Variants in WDR70 observed in about 807,000 individuals in gnomAD.
WDR70 encodes WD repeat domain 70.
WDR70 carries 53 observed loss-of-function variants against 88.6 expected under a neutral mutation model. The ratio of observed to expected loss-of-function variants is 0.60; its 90% confidence interval spans 0.48 to 0.75. The LOEUF (loss-of-function observed/expected upper bound fraction) is 0.75. Ranked by LOEUF, WDR70 falls within the 30% of genes least tolerant of loss-of-function variation. The pLI is 0.00. For missense variants in WDR70, 610 were observed against 823.2 expected (o/e 0.74, Z 3.17); for synonymous variants, 280 against 270.0 (o/e 1.04, Z -0.36).
At chr5:37,485,641 A>G (rs1301270993) in intron 8 of WDR70, among the ~76,000 whole-genome samples, 1 of 152,106 alleles carries the variant, frequency 6.6e-6, no homozygotes, top group African/African-American at 2.4e-5. Flanking sequence ...CTGTGAGTTC[A>G]ATGTTAATGA....
intron 11 of WDR70, among the ~76,000 whole-genome samples, chr5:37,699,400 T>TACACAC (rs780871678): frequency 2.0e-5 from 3 of 146,954 alleles, no homozygotes; most frequent in African/African-American, 7.6e-5. Context: ...TGTATATATA[T>TACACAC]ATACACACAC....
intron 10 of WDR70, among the ~76,000 whole-genome samples, chr5:37,638,489 G>A (rs138389182): frequency 3.7e-4 from 56 of 152,256 alleles, no homozygotes; most frequent in African/African-American, 1.3e-3. Flanking sequence ...GCACATGCGC[G>A]CACATACACA....
intron 9 of WDR70, among the ~76,000 whole-genome samples, chr5:37,530,927 C>T (rs1168487647): frequency 6.6e-6 from 1 of 152,140 alleles, no homozygotes; most frequent in Admixed American, 6.6e-5. Context: ...CTGATGTAGG[C>T]ATTTAATGCT....
At chr5:37,564,346 A>G (rs1317239456) in intron 9 of WDR70, among the ~76,000 whole-genome samples, 1 of 152,234 alleles carries the variant, frequency 6.6e-6, no homozygotes, top group Non-Finnish European at 1.5e-5. Context: ...CAACACAGCG[A>G]AACCCCGTCT....
At chr5:37,494,069 T>C (rs977090578) in intron 8 of WDR70, among the ~76,000 whole-genome samples, 1 of 152,150 alleles carries the variant, frequency 6.6e-6, no homozygotes, top group African/African-American at 2.4e-5. Flanking sequence ...TCCACCCACC[T>C]TGGCCTCCCA....
intron 10 of WDR70, among the ~76,000 whole-genome samples, chr5:37,639,394 A>G (rs535588453): frequency 1.3e-5 from 2 of 152,336 alleles, no homozygotes; most frequent in Middle Eastern, 3.4e-3. Context: ...CACGCTGAAA[A>G]TGCTGGTAAG....
intron 10 of WDR70, among the ~76,000 whole-genome samples, chr5:37,675,007 GT>G (rs1216217662): frequency 6.6e-6 from 1 of 151,360 alleles, no homozygotes; most frequent in Non-Finnish European, 1.5e-5. Flanking sequence ...TTTTTCATGT[GT>G]TTTTTGGCTG....
chr5:37,416,426 G>T (rs1250775500), intron 5 of WDR70, among the ~76,000 whole-genome samples: 1 of 152,122 alleles, frequency 6.6e-6, no homozygotes, highest in African/African-American at 2.4e-5. Flanking sequence ...GGAGAATCAG[G>T]CAGGGAGGTT....
At chr5:37,386,196 C>T (rs1183906808) in intron 3 of WDR70, among the ~76,000 whole-genome samples, 2 of 152,106 alleles carry the variant, frequency 1.3e-5, no homozygotes. Context: ...GACATGCTAT[C>T]TGAGGCATTT....
intron 13 of WDR70, among the ~76,000 whole-genome samples, chr5:37,720,201 T>A (rs1581525567): frequency 6.6e-6 from 1 of 152,326 alleles, no homozygotes; most frequent in East Asian, 1.9e-4. Context: ...TCCCCTTTAG[T>A]CCCTATATAT....
At chr5:37,487,229 C>T (rs1255389510) in intron 8 of WDR70, among the ~76,000 whole-genome samples, 11 of 152,076 alleles carry the variant, frequency 7.2e-5, no homozygotes. Flanking sequence ...TTCCCAGATG[C>T]AAATATAATT....
Position 37,584,938 on chromosome 5 carries a change from T to C in WDR70, c.918-20126T>C, listed in dbSNP as rs190712014. Among the ~76,000 whole-genome samples the C allele has an allele frequency of 3.1e-3, 467 of 150,834 alleles. 1 individual carries two copies. Among genetic ancestry groups the C allele is most frequent in the African/African-American group, 0.011 (438 of 41,016 alleles). On this transcript the variant is annotated intron_variant, in intron 9 of 17. Transcript: ENST00000265107. ...TCAGAAGGTAGTAACGTGGCATTAC[T>C]TCTTAACATAAATAAAAAACAGTCA...
chr5:37,386,914 G>A (rs1223552138), intron 3 of WDR70, among the ~76,000 whole-genome samples: 5 of 151,928 alleles, frequency 3.3e-5, no homozygotes, highest in African/African-American at 4.8e-5. Flanking sequence ...CCTGGCCAAC[G>A]GGATGAAACC....
chr5:37,422,294 CTTTTTTT>C (rs1554138505), intron 5 of WDR70, among the ~76,000 whole-genome samples: 8 of 145,786 alleles, frequency 5.5e-5, no homozygotes, highest in African/African-American at 1.5e-4. Context: ...TTCCTTTTTT[CTTTTTTT>C]TTTTTTGAGA....
At chr5:37,622,927 T>G (rs116814816) in intron 10 of WDR70, among the ~76,000 whole-genome samples, 7 of 152,018 alleles carry the variant, frequency 4.6e-5, no homozygotes, top group Non-Finnish European at 1.0e-4. Context: ...GTCAAAAATG[T>G]AAAAAACCAA....
At chr5:37,448,865 G>T (rs1016436625) in intron 7 of WDR70, among the ~76,000 whole-genome samples, 1 of 152,098 alleles carries the variant, frequency 6.6e-6, no homozygotes, top group African/African-American at 2.4e-5. Context: ...AGGGGTATTG[G>T]TCGGGTGTTT....
At chr5:37,642,372 T>C (rs1180359110) in intron 10 of WDR70, among the ~76,000 whole-genome samples, 1 of 152,208 alleles carries the variant, frequency 6.6e-6, no homozygotes, top group Non-Finnish European at 1.5e-5. Flanking sequence ...AATAAGAATA[T>C]TTATATTTGA....
Position 37,554,678 on chromosome 5 carries a change from G to GCACACACA in WDR70, c.917+38109_917+38116dup, listed in dbSNP as rs3068425. 6.2e-3 allele frequency among the ~76,000 whole-genome samples: 916 copies of GCACACACA among 147,752 alleles called. 5 individuals are homozygous for GCACACACA. Among genetic ancestry groups the GCACACACA allele is most frequent in the Non-Finnish European group, 7.4e-3 (493 of 66,846 alleles). On this transcript the variant is annotated intron_variant, in intron 9 of 17. Coordinates refer to ENST00000265107, the MANE Select transcript of WDR70 (RefSeq NM_018034.4). ...TACTCACACACGCATGCACCTGCACGCACACACACACACACACACACACAC... is the reference window on the plus strand; with the variant it reads ...TACTCACACACGCATGCACCTGCACGCACACACACACACACACACACACACACACACAC...
At chr5:37,597,684 G>GCTCCTTTT (rs1489832401) in intron 9 of WDR70, among the ~76,000 whole-genome samples, 13 of 152,146 alleles carry the variant, frequency 8.5e-5, no homozygotes, top group Admixed American at 4.6e-4. Context: ...GCACTTGCCT[G>GCTCCTTTT]CTCCTTTTCT....
Sources: allele counts gnomAD v4.1 joint callset (sites outside exome capture counted in the v4.1 genomes callset), GRCh38; gene constraint gnomAD v4.1.1; transcripts MANE v1.5; gene names NCBI Gene and HGNC (gene_info 2026-07-23, HGNC 2026-07-21).